Variants in TAFA1 observed in about 807,000 individuals in gnomAD.
TAFA1 encodes TAFA chemokine like family member 1.
A neutral mutation model predicts 18.5 loss-of-function variants in TAFA1; 4 were observed. The observed-to-expected ratio is 0.22, with a 90% CI of 0.11 to 0.49. TAFA1 has a LOEUF of 0.49. Among genes scored for constraint, TAFA1 ranks in the 20% least tolerant of loss-of-function variants. The pLI, the probability that TAFA1 is intolerant of heterozygous loss-of-function variation, is 0.98. For missense variants in TAFA1, 147 were observed against 169.0 expected, an observed-to-expected ratio of 0.87 and a Z score of 0.72; for synonymous variants, 56 against 55.2, an observed-to-expected ratio of 1.01 and a Z score of -0.06.
the TAFA1 span, among the ~76,000 whole-genome samples, chr3:67,997,654 G>A: frequency 6.6e-5 from 10 of 151,884 alleles, no homozygotes; most frequent in Admixed American, 5.2e-4. Flanking sequence ...TTACTTAAAG[G>A]CAAATCAGAT....
At chr3:68,453,050 T>A (rs960304212) in intron 3 of TAFA1, among the ~76,000 whole-genome samples, 1 of 152,232 alleles carries the variant, frequency 6.6e-6, no homozygotes. Flanking sequence ...CTTTTTTCCT[T>A]GCTGCTATAG....
intron 3 of TAFA1, among the ~76,000 whole-genome samples, chr3:68,530,890 G>A (rs535269142): frequency 2.0e-5 from 3 of 151,964 alleles, no homozygotes; most frequent in South Asian, 2.1e-4. Context: ...ATTTATTTTC[G>A]ATAGTAATAC....
chr3:68,428,804 C>T (rs543281178), intron 3 of TAFA1, among the ~76,000 whole-genome samples: 1 of 152,028 alleles, frequency 6.6e-6, no homozygotes, highest in African/African-American at 2.4e-5. Flanking sequence ...AGGAAGGTCA[C>T]ATCCTTTAAA....
intron 2 of TAFA1, among the ~76,000 whole-genome samples, chr3:68,239,275 G>A (rs1575699126): frequency 6.6e-6 from 1 of 152,186 alleles, no homozygotes; most frequent in African/African-American, 2.4e-5. Context: ...AATTATGACT[G>A]CATTGACTTG....
At chr3:68,470,281 C>G (rs909004923) in intron 3 of TAFA1, among the ~76,000 whole-genome samples, 1 of 152,152 alleles carries the variant, frequency 6.6e-6, no homozygotes, top group Non-Finnish European at 1.5e-5. Flanking sequence ...TTATAAATTA[C>G]CCAGTCTTAG....
At chr3:68,022,822 T>TA (rs1491269532) in intron 2 of TAFA1, among the ~76,000 whole-genome samples, 1 of 73,536 alleles carries the variant, frequency 1.4e-5, no homozygotes, top group African/African-American at 6.0e-5. Context: ...TATATATATA[T>TA]TATATATAAT....
upstream of TAFA1, among the ~76,000 whole-genome samples, chr3:68,003,337 T>C (rs1704305271): frequency 6.6e-6 from 1 of 152,182 alleles, no homozygotes; most frequent in Non-Finnish European, 1.5e-5. Flanking sequence ...TTCTGGGGAA[T>C]TTCAAAATGT....
At chr3:68,279,204 A>G (rs953502401) in intron 2 of TAFA1, among the ~76,000 whole-genome samples, 2 of 152,176 alleles carry the variant, frequency 1.3e-5, no homozygotes, top group Non-Finnish European at 2.9e-5. Context: ...AAAAATATTC[A>G]ACTGAGAAAC....
chr3:68,531,971 G>A (rs573564342), intron 3 of TAFA1, among the ~76,000 whole-genome samples: 1 of 152,186 alleles, frequency 6.6e-6, no homozygotes, highest in East Asian at 1.9e-4. Context: ...TTATTGCATT[G>A]ACTATCTTAA....
At chr3:68,356,582 C>T (rs1327233672) in intron 2 of TAFA1, among the ~76,000 whole-genome samples, 1 of 151,838 alleles carries the variant, frequency 6.6e-6, no homozygotes, top group African/African-American at 2.4e-5. Flanking sequence ...AAACTCCTTA[C>T]ATGCAGTATC....
intron 2 of TAFA1, among the ~76,000 whole-genome samples, chr3:68,036,129 A>G (rs1213779948): frequency 6.6e-6 from 1 of 152,118 alleles, no homozygotes; most frequent in Non-Finnish European, 1.5e-5. Context: ...GAAACTCATG[A>G]AACAGTTCAC....
chr3:68,366,883 T>C (rs1221449576), intron 2 of TAFA1, among the ~76,000 whole-genome samples: 1 of 152,228 alleles, frequency 6.6e-6, no homozygotes, highest in East Asian at 1.9e-4. Flanking sequence ...GAATCATATC[T>C]GTCTATCTAG....
intron 2 of TAFA1, among the ~76,000 whole-genome samples, chr3:68,381,345 A>C (rs1028339865): frequency 6.6e-5 from 10 of 151,136 alleles, no homozygotes; most frequent in Non-Finnish European, 1.2e-4. Context: ...CATTGAATCT[A>C]TAAATTACCT....
chr3:68,091,347 C>A (rs561555131), intron 2 of TAFA1, among the ~76,000 whole-genome samples: 2 of 152,100 alleles, frequency 1.3e-5, no homozygotes, highest in South Asian at 4.2e-4. Context: ...TTGTTTTTTC[C>A]ATTGAAAAGT....
intron 2 of TAFA1, among the ~76,000 whole-genome samples, chr3:68,239,306 T>A (rs1445263750): frequency 2.0e-5 from 3 of 152,192 alleles, no homozygotes; most frequent in Non-Finnish European, 2.9e-5. Flanking sequence ...ACAAAGTTTA[T>A]CAATAAGTTA....
chr3:68,305,221 C>T (rs966162112), intron 2 of TAFA1, among the ~76,000 whole-genome samples: 18 of 145,912 alleles, frequency 1.2e-4, no homozygotes, highest in African/African-American at 3.7e-4. Context: ...GGTGTTTTTC[C>T]CATATGTTTT....
intron 3 of TAFA1, among the ~76,000 whole-genome samples, chr3:68,503,143 G>A (rs4634123): frequency 0.2 from 30,192 of 152,132 alleles, 3,798 homozygotes; most frequent in East Asian, 0.43. Flanking sequence ...AGTCAAGTGA[G>A]TCGAAATGCA....
intron 2 of TAFA1, among the ~76,000 whole-genome samples, chr3:68,188,827 T>A (rs2107007369): frequency 6.6e-6 from 1 of 152,070 alleles, no homozygotes; most frequent in African/African-American, 2.4e-5. Context: ...ATTTTTATCA[T>A]CCAGAATAGT....
chr3:68,502,416 A>G (rs2072673948), intron 3 of TAFA1, among the ~76,000 whole-genome samples: 1 of 152,140 alleles, frequency 6.6e-6, no homozygotes, highest in Non-Finnish European at 1.5e-5. Context: ...ATGCCCAAAT[A>G]TACTATTTTG....
Sources: gnomAD v4.1 joint callset for allele counts (sites outside exome capture counted in the v4.1 genomes callset) on GRCh38, gnomAD v4.1.1 for gene constraint, MANE v1.5 for transcripts, NCBI Gene and HGNC (gene_info 2026-07-23, HGNC 2026-07-21) for gene names.